The following RASA1 variants were observed in gnomAD, a reference collection of about 807,000 sequenced individuals.
RASA1 encodes the protein RAS p21 protein activator 1.
In RASA1, 25 loss-of-function variants were observed where a neutral mutation model predicts 132.2. The ratio of observed to expected loss-of-function variants is 0.19; its 90% CI spans 0.14 to 0.26. The LOEUF is 0.26. RASA1 is among the 10% of genes least tolerant of loss of function. The pLI is 1.00. For synonymous variants in RASA1, 477 were observed against 449.9 expected (o/e 1.06, Z -0.76); for missense variants, 964 against 1,299.2 (o/e 0.74, Z 3.97).
chr5:87,270,606 C>CAAAGTGG (rs1036178867), intron 1 of RASA1, among the ~76,000 whole-genome samples: 3 of 148,394 alleles, frequency 2.0e-5, no homozygotes, highest in South Asian at 2.1e-4. Flanking sequence ...CTCAGCCTCC[C>CAAAGTGG]AAAGTGGTGG....
chr5:87,282,209 C>T (rs1754349872), intron 1 of RASA1, among the ~76,000 whole-genome samples: 1 of 151,912 alleles, frequency 6.6e-6, no homozygotes, highest in African/African-American at 2.4e-5. Context: ...TTTCAAGATT[C>T]CTTCTTTTAT....
chr5:87,286,004 T>TTTA (rs1011121521), intron 1 of RASA1, among the ~76,000 whole-genome samples: 2 of 151,650 alleles, frequency 1.3e-5, no homozygotes, highest in African/African-American at 2.4e-5. Flanking sequence ...ACACCTTTCT[T>TTTA]TTATTATTAT....
intron 1 of RASA1, among the ~76,000 whole-genome samples, chr5:87,313,480 T>C (rs1305064194): frequency 6.6e-6 from 1 of 152,224 alleles, no homozygotes; most frequent in East Asian, 1.9e-4. Context: ...TAAGCGATTA[T>C]GACTTTTGAA....
chr5:87,371,072 C>T, intron 12 of RASA1, among the ~76,000 whole-genome samples: 1 of 151,952 alleles, frequency 6.6e-6, no homozygotes, highest in Admixed American at 6.6e-5. Context: ...GAAATTTAAA[C>T]TTCAGTATCC....
intron 1 of RASA1, among the ~76,000 whole-genome samples, chr5:87,310,506 G>A (rs2112303298): frequency 6.6e-6 from 1 of 152,208 alleles, no homozygotes; most frequent in East Asian, 1.9e-4. Flanking sequence ...TACAACTAAT[G>A]GAGTCTGAGT....
At chr5:87,356,128 A>G (rs1199627320) in intron 9 of RASA1, among the ~76,000 whole-genome samples, 1 of 152,190 alleles carries the variant, frequency 6.6e-6, no homozygotes, top group Non-Finnish European at 1.5e-5. Context: ...ATAAAGCAGC[A>G]AGAGGGTTTG....
chr5:87,363,600 T>G, intron 11 of RASA1, 96 bp downstream of exon 11: 1 of 1,382,288 alleles, frequency 7.2e-7, no homozygotes, highest in Non-Finnish European at 1.0e-6. Context: ...AAAATCATCT[T>G]CTAAAAGTAG....
chr5:87,386,728 C>T (rs1762087704), intron 22 of RASA1, 98 bp from the exon 23 acceptor site: 5 of 986,990 alleles, frequency 5.1e-6, no homozygotes, highest in Admixed American at 1.7e-5. Flanking sequence ...ATAGTAATTG[C>T]AGTTTTTGCT....
intron 8 of RASA1, among the ~76,000 whole-genome samples, chr5:87,350,678 C>T (rs1459042587): frequency 6.6e-6 from 1 of 151,028 alleles, no homozygotes; most frequent in Non-Finnish European, 1.5e-5. Flanking sequence ...AAGTAGATTT[C>T]TGTCCAAATT....
rs1753660257 is a variant in RASA1, at chr5:87,268,417, C to T, written c.-35C>T. 7 of 1,492,604 alleles carry T rather than the reference C, an allele frequency of 4.7e-6. No homozygotes were observed. Among genetic ancestry groups the T allele is most frequent in the Non-Finnish European group, 6.3e-6 (7 of 1,117,754 alleles). 92.5% of individuals were successfully genotyped at this position (1,492,604 alleles called of 1,614,324 possible). A position where few individuals can be genotyped will look rare whatever the true frequency, so the allele number is the denominator to read the frequency against. On this transcript the variant is annotated 5_prime_UTR_variant, in exon 1 of 25. Coordinates refer to ENST00000274376, the MANE Select transcript of RASA1 (RefSeq NM_002890.3). ...CCTGGTGGCCCCTGGGGCTCCCGGGCGGGCAGGGTAGGGCAGAGTAGAGCG... is the reference window on the plus strand; with the variant it reads ...CCTGGTGGCCCCTGGGGCTCCCGGGTGGGCAGGGTAGGGCAGAGTAGAGCG...
intron 13 of RASA1, among the ~76,000 whole-genome samples, chr5:87,373,767 A>G (rs1761119671): frequency 6.6e-6 from 1 of 152,182 alleles, no homozygotes; most frequent in Non-Finnish European, 1.5e-5. Flanking sequence ...AATCTTCCAG[A>G]TAAGTATTAT....
intron 1 of RASA1, among the ~76,000 whole-genome samples, chr5:87,283,044 C>A (rs1754386540): frequency 6.6e-6 from 1 of 151,222 alleles, no homozygotes; most frequent in South Asian, 2.1e-4. Flanking sequence ...CTATGGACAC[C>A]ATGTTTGTAC....
chr5:87,334,157 A>G (rs780064799), intron 4 of RASA1, among the ~76,000 whole-genome samples: 6 of 152,136 alleles, frequency 3.9e-5, no homozygotes, highest in African/African-American at 9.7e-5. Context: ...AAGACCCACA[A>G]TCGGCTGTCT....
rs1224785668 is a variant in RASA1, at chr5:87,268,264, C to T, written c.-188C>T. 2.3e-5 allele frequency: 20 copies of T among 852,870 alleles called. No homozygotes were observed. Among genetic ancestry groups the T allele is most frequent in the Non-Finnish European group, 3.1e-5 (18 of 576,438 alleles). The allele number at this position is 852,870 out of a possible 1,614,324, so 52.8% of individuals were successfully genotyped here. ...CCCACTTGGCTTCCCGTAACCCAGG[C>T]AGCTGGGGAGCCTGGGCTGTGGCCC... On this transcript the variant is annotated 5_prime_UTR_variant, in exon 1 of 25. Transcript: ENST00000274376.
intron 1 of RASA1, among the ~76,000 whole-genome samples, chr5:87,302,305 T>C (rs1755399843): frequency 6.6e-6 from 1 of 151,964 alleles, no homozygotes; most frequent in South Asian, 2.1e-4. Flanking sequence ...CTAATGGAAG[T>C]GTGTATTTTT....
chr5:87,389,968 G>GCT (rs1762371149), intron 24 of RASA1, among the ~76,000 whole-genome samples: 1 of 152,154 alleles, frequency 6.6e-6, no homozygotes, highest in Non-Finnish European at 1.5e-5. Flanking sequence ...CAGAGGTTCT[G>GCT]AAGTGTGGCC....
chr5:87,362,315 A>G (rs1760167312), intron 9 of RASA1, among the ~76,000 whole-genome samples: 1 of 152,174 alleles, frequency 6.6e-6, no homozygotes, highest in Non-Finnish European at 1.5e-5. Flanking sequence ...ACAACTTATT[A>G]GTTGTTCTTG....
chr5:87,296,786 G>T (rs1011849483), intron 1 of RASA1, among the ~76,000 whole-genome samples: 1 of 151,954 alleles, frequency 6.6e-6, no homozygotes. Flanking sequence ...TTATTTTTAG[G>T]TTTTTAGGGG....
intron 9 of RASA1, 38 bp from the exon 10 acceptor site, chr5:87,362,513 G>A (rs761122627): frequency 1.3e-6 from 2 of 1,556,846 alleles, no homozygotes; most frequent in Admixed American, 3.4e-5. Context: ...TTTCCATCAA[G>A]AATGTATGAA....
Sources: gnomAD v4.1 joint callset for allele counts (sites outside exome capture counted in the v4.1 genomes callset) on GRCh38, gnomAD v4.1.1 for gene constraint, MANE v1.5 for transcripts, NCBI Gene and HGNC (gene_info 2026-07-23, HGNC 2026-07-21) for gene names.